Variants in JMJD1C observed in about 807,000 individuals in gnomAD.
JMJD1C encodes the protein jumonji domain containing 1C.
In JMJD1C, 31 loss-of-function variants were observed where a neutral mutation model predicts 245.3. The observed-to-expected ratio is 0.13, with a 90% confidence interval of 0.09 to 0.17. JMJD1C has a LOEUF of 0.17. Ranked by LOEUF, JMJD1C falls within the 10% of genes least tolerant of loss-of-function variation. The pLI, the probability that JMJD1C is intolerant of heterozygous loss-of-function variation, is 1.00. For synonymous variants in JMJD1C, 1,057 were observed against 1,017.4 expected, an observed-to-expected ratio of 1.04 and a Z score of -0.74; for missense variants, 2,691 against 3,000.2, an observed-to-expected ratio of 0.90 and a Z score of 2.41.
intron 2 of JMJD1C, among the ~76,000 whole-genome samples, chr10:63,279,879 G>A (rs147291706): frequency 5.9e-4 from 90 of 152,254 alleles, no homozygotes; most frequent in African/African-American, 2.1e-3. Flanking sequence ...GGCTGGACAC[G>A]GTGGCTCACG....
intron 18 of JMJD1C, among the ~76,000 whole-genome samples, chr10:63,187,411 A>G (rs1402634251): frequency 6.6e-6 from 1 of 152,210 alleles, no homozygotes; most frequent in Non-Finnish European, 1.5e-5. Flanking sequence ...GAATAATTCA[A>G]AGCAGAAATC....
intron 1 of JMJD1C, among the ~76,000 whole-genome samples, chr10:63,477,932 A>T (rs996098869): frequency 6.6e-6 from 1 of 152,192 alleles, no homozygotes; most frequent in Non-Finnish European, 1.5e-5. Flanking sequence ...CAACAAATAC[A>T]TCACCAAATA....
intron 2 of JMJD1C, among the ~76,000 whole-genome samples, chr10:63,346,354 T>TA (rs764501494): frequency 4.6e-5 from 7 of 152,242 alleles, no homozygotes; most frequent in Non-Finnish European, 7.3e-5. Flanking sequence ...TGAGTGACAC[T>TA]AGTTTTGTTA....
At chr10:63,521,150 A>G (rs1286467371) in intron 1 of JMJD1C, among the ~76,000 whole-genome samples, 1 of 152,134 alleles carries the variant, frequency 6.6e-6, no homozygotes, top group Non-Finnish European at 1.5e-5. Flanking sequence ...AAGGAGGGTA[A>G]GGTTGGTTAG....
intron 2 of JMJD1C, among the ~76,000 whole-genome samples, chr10:63,348,894 A>T (rs556984282): frequency 6.6e-6 from 1 of 152,104 alleles, no homozygotes; most frequent in African/African-American, 2.4e-5. Context: ...TCAGGTCAGG[A>T]GTTTGGGATC....
intron 2 of JMJD1C, chr10:63,359,230 G>A (rs531192263): frequency 6.6e-6 from 1 of 152,266 alleles, no homozygotes; most frequent in Non-Finnish European, 1.5e-5. Flanking sequence ...GGTATAACTG[G>A]CCTGGGCCAT....
At chr10:63,386,364 G>A (rs1331356158) in intron 1 of JMJD1C, among the ~76,000 whole-genome samples, 3 of 152,166 alleles carry the variant, frequency 2.0e-5, no homozygotes, top group Non-Finnish European at 4.4e-5. Flanking sequence ...TTCCCCAGTA[G>A]CAGGGCTGCA....
chr10:63,439,626 T>C (rs1951249300), intron 1 of JMJD1C, among the ~76,000 whole-genome samples: 1 of 152,212 alleles, frequency 6.6e-6, no homozygotes, highest in African/African-American at 2.4e-5. Flanking sequence ...TTTAAGGCCT[T>C]ATTTCTATTT....
intron 2 of JMJD1C, among the ~76,000 whole-genome samples, chr10:63,298,866 G>C (rs1279108334): frequency 6.6e-6 from 1 of 151,974 alleles, no homozygotes. Flanking sequence ...CCGAATAGCT[G>C]AGAATACAGG....
At chr10:63,314,960 T>C (rs1007953282) in intron 2 of JMJD1C, among the ~76,000 whole-genome samples, 23 of 148,732 alleles carry the variant, frequency 1.5e-4, no homozygotes, top group Non-Finnish European at 3.0e-4. Flanking sequence ...TTTTTTGTTT[T>C]TTTTTTTTTT....
At chr10:63,269,270 T>C in intron 2 of JMJD1C, 1 of 927,874 alleles carries the variant, frequency 1.1e-6, no homozygotes, top group African/African-American at 1.8e-5. Context: ...CGGTGCTCTG[T>C]AAACTGTAAC....
intron 2 of JMJD1C, among the ~76,000 whole-genome samples, chr10:63,276,755 C>T (rs78524876): frequency 0.013 from 2,029 of 152,114 alleles, 31 homozygotes; most frequent in African/African-American, 0.034. Context: ...GCCATGGCAC[C>T]CTACCAGGAA....
intron 1 of JMJD1C, among the ~76,000 whole-genome samples, chr10:63,437,310 T>G (rs879871788): frequency 6.6e-6 from 1 of 152,190 alleles, no homozygotes; most frequent in Non-Finnish European, 1.5e-5. Context: ...ATTTCATAAC[T>G]TCTCTTCTCA....
intron 2 of JMJD1C, among the ~76,000 whole-genome samples, chr10:63,307,525 G>A (rs1034019076): frequency 4.6e-5 from 7 of 152,174 alleles, no homozygotes; most frequent in Non-Finnish European, 8.8e-5. Flanking sequence ...AAAAAGCAAC[G>A]GCAATTTGAT....
intron 3 of JMJD1C, among the ~76,000 whole-genome samples, chr10:63,232,231 A>T (rs1850116865): frequency 6.6e-6 from 1 of 152,052 alleles, no homozygotes; most frequent in Non-Finnish European, 1.5e-5. Flanking sequence ...ATATTACTAT[A>T]ATGTGAAGTC....
intron 1 of JMJD1C, among the ~76,000 whole-genome samples, chr10:63,460,789 G>C (rs1952739513): frequency 6.6e-6 from 1 of 152,152 alleles, no homozygotes; most frequent in African/African-American, 2.4e-5. Flanking sequence ...GAAATATCTA[G>C]TTAACATTTT....
intron 22 of JMJD1C, among the ~76,000 whole-genome samples, chr10:63,180,523 C>A (rs1026706875): frequency 1.3e-5 from 2 of 152,122 alleles, no homozygotes; most frequent in Admixed American, 1.3e-4. Context: ...AAGTCTTTTC[C>A]CAGTCATGGT....
chr10:63,471,801 G>T (rs1469569337), intron 1 of JMJD1C, among the ~76,000 whole-genome samples: 1 of 152,184 alleles, frequency 6.6e-6, no homozygotes, highest in East Asian at 1.9e-4. Flanking sequence ...ACACTGGGAG[G>T]CTGAGTGGGG....
In JMJD1C at chr10:63,277,731, CTTTTTTTT is replaced by C. The variant is rs35442695; in HGVS notation, c.334-12975_334-12968del. On this transcript the variant is annotated intron_variant, in intron 2 of 25. Coordinates refer to ENST00000399262, the MANE Select transcript of JMJD1C (RefSeq NM_032776.3). ...TATTCATTGAGAGTAATTTGCATTT[CTTTTTTTT>C]TTTTTTTTTTTTTTTTGAGACAGAG... 3.6e-3 allele frequency among the ~76,000 whole-genome samples: 233 copies of C among 64,282 alleles called. 1 individual carries two copies. Among genetic ancestry groups the C allele is most frequent in the African/African-American group, 0.016 (222 of 14,178 alleles). 42.2% of individuals were successfully genotyped at this position (64,282 alleles called of 152,430 possible).
Sources: allele counts gnomAD v4.1 joint callset (sites outside exome capture counted in the v4.1 genomes callset), GRCh38; gene constraint gnomAD v4.1.1; transcripts MANE v1.5; gene names NCBI Gene and HGNC (gene_info 2026-07-23, HGNC 2026-07-21).